The following C16orf74 variants were observed in gnomAD, a reference collection of about 807,000 sequenced individuals.
The protein encoded by C16orf74 is uncharacterized protein C16orf74.
C16orf74 carries 10 observed loss-of-function variants against 6.5 expected under a neutral mutation model. The ratio of observed to expected loss-of-function variants is 1.54; its 90% CI spans 0.95 to 2.61. The LOEUF (loss-of-function observed/expected upper bound fraction) is 2.61. Among genes scored for constraint, C16orf74 ranks in the 30% most tolerant of loss-of-function variants. The probability of loss-of-function intolerance (pLI) is 0.00; values close to 1 mark genes in which losing one functional copy is unlikely to be tolerated. For missense variants in C16orf74, 141 were observed against 105.9 expected (o/e 1.33, Z -1.45); for synonymous variants, 60 against 42.5 (o/e 1.41, Z -1.60).
chr16:85,716,705 G>T (rs1177549181), intron 2 of C16orf74, among the ~76,000 whole-genome samples: 5 of 151,250 alleles, frequency 3.3e-5, no homozygotes, highest in Non-Finnish European at 7.4e-5. Context: ...GAGGAGGAAG[G>T]GAGGGAGAGG....
intron 2 of C16orf74, among the ~76,000 whole-genome samples, chr16:85,731,691 A>ATT (rs11313311): frequency 6.9e-6 from 1 of 144,280 alleles, no homozygotes; most frequent in Non-Finnish European, 1.5e-5. Context: ...TTGTGATGTC[A>ATT]TTTTTTTTTT....
chr16:85,727,147 G>A (rs960216195), intron 2 of C16orf74, among the ~76,000 whole-genome samples: 2 of 152,258 alleles, frequency 1.3e-5, no homozygotes, highest in Non-Finnish European at 2.9e-5. Context: ...AACGTTTGTG[G>A]AGGGAACAAT....
intron 2 of C16orf74, among the ~76,000 whole-genome samples, chr16:85,722,464 AT>A (rs2054092428): frequency 6.6e-6 from 1 of 152,178 alleles, no homozygotes; most frequent in Non-Finnish European, 1.5e-5. Context: ...GCTGGGCTGG[AT>A]TTGCAGCTCC....
At chr16:85,712,505 G>C (rs1042594700) in intron 2 of C16orf74, among the ~76,000 whole-genome samples, 7 of 152,282 alleles carry the variant, frequency 4.6e-5, no homozygotes, top group African/African-American at 1.7e-4. Context: ...TTCACCCAAG[G>C]GGTGTTCCTC....
intron 2 of C16orf74, among the ~76,000 whole-genome samples, chr16:85,721,498 CA>C (rs1274932293): frequency 6.6e-6 from 1 of 152,146 alleles, no homozygotes; most frequent in Non-Finnish European, 1.5e-5. Context: ...CTCAGGTTAA[CA>C]AATAGTTTTT....
chr16:85,716,444 G>C (rs551066135), intron 2 of C16orf74, among the ~76,000 whole-genome samples: 55 of 143,242 alleles, frequency 3.8e-4, no homozygotes, highest in African/African-American at 1.4e-3. Flanking sequence ...AGAGGAGGAA[G>C]GGAAGGAAGA....
At chr16:85,738,981 TC>T (rs2054274278) in intron 1 of C16orf74, among the ~76,000 whole-genome samples, 2 of 132,618 alleles carry the variant, frequency 1.5e-5, no homozygotes, top group Non-Finnish European at 3.4e-5. Flanking sequence ...AACTTTGGAC[TC>T]TAGAGCCCAC....
chr16:85,724,092 A>T (rs2054109367), intron 2 of C16orf74, among the ~76,000 whole-genome samples: 1 of 152,004 alleles, frequency 6.6e-6, no homozygotes, highest in Non-Finnish European at 1.5e-5. Context: ...TTTTGTAGAA[A>T]TGGGGTCTCA....
chr16:85,736,102 A>T (rs2054241832), intron 1 of C16orf74, among the ~76,000 whole-genome samples: 1 of 152,120 alleles, frequency 6.6e-6, no homozygotes, highest in South Asian at 2.1e-4. Context: ...GAGGAAGATA[A>T]AGCAACAGTC....
chr16:85,750,667 G>A (rs940456579), intron 1 of C16orf74, among the ~76,000 whole-genome samples: 10 of 152,158 alleles, frequency 6.6e-5, no homozygotes, highest in African/African-American at 2.4e-4. Flanking sequence ...TCCGCGCGGG[G>A]TCACACCCCC....
At chr16:85,712,090 C>T (rs528472573) in intron 2 of C16orf74, among the ~76,000 whole-genome samples, 5 of 152,202 alleles carry the variant, frequency 3.3e-5, no homozygotes, top group African/African-American at 4.8e-5. Flanking sequence ...CACCATGTTA[C>T]GAGGATGCTC....
At chr16:85,730,712 A>G (rs534317668) in intron 2 of C16orf74, among the ~76,000 whole-genome samples, 30 of 150,490 alleles carry the variant, frequency 2.0e-4, no homozygotes, top group Admixed American at 8.6e-4. Context: ...AGACCAGCCA[A>G]CCAAGCCCCC....
At chr16:85,730,213 T>A (rs1431479241) in intron 2 of C16orf74, among the ~76,000 whole-genome samples, 1 of 152,116 alleles carries the variant, frequency 6.6e-6, no homozygotes, top group African/African-American at 2.4e-5. Flanking sequence ...CACACTCTGC[T>A]GAGTGGGTTC....
intron 2 of C16orf74, among the ~76,000 whole-genome samples, chr16:85,723,539 T>C (rs2054103594): frequency 6.6e-6 from 1 of 151,984 alleles, no homozygotes; most frequent in African/African-American, 2.4e-5. Context: ...TCATCTCCCA[T>C]GGGGTGAGTG....
intron 2 of C16orf74, among the ~76,000 whole-genome samples, chr16:85,723,199 G>A (rs1406674158): frequency 6.8e-6 from 1 of 147,682 alleles, no homozygotes; most frequent in Non-Finnish European, 1.5e-5. Flanking sequence ...GGTGGAGGCT[G>A]CAGTGAGCTG....
intron 1 of C16orf74, among the ~76,000 whole-genome samples, chr16:85,737,253 G>A (rs2054255033): frequency 6.6e-6 from 1 of 152,104 alleles, no homozygotes; most frequent in Non-Finnish European, 1.5e-5. Context: ...TTCCCAGAAT[G>A]GCCCATGGAA....
chr16:85,735,079 G>A (rs1257700556), intron 2 of C16orf74, 111 bp downstream of exon 2: 4 of 857,822 alleles, frequency 4.7e-6, no homozygotes, highest in African/African-American at 3.6e-5. Flanking sequence ...TTAAGGGATG[G>A]TGCCCTGCTC....
At chr16:85,737,864 C>A (rs2054261264) in intron 1 of C16orf74, among the ~76,000 whole-genome samples, 1 of 152,072 alleles carries the variant, frequency 6.6e-6, no homozygotes. Flanking sequence ...GCTTGTACAA[C>A]CCGCAGCCCT....
intron 2 of C16orf74, among the ~76,000 whole-genome samples, chr16:85,711,076 G>C (rs1012852771): frequency 6.6e-6 from 1 of 152,122 alleles, no homozygotes; most frequent in African/African-American, 2.4e-5. Flanking sequence ...CACTTTCGGA[G>C]GCCAAGGCGG....
Sources: allele counts gnomAD v4.1 joint callset (sites outside exome capture counted in the v4.1 genomes callset), GRCh38; gene constraint gnomAD v4.1.1; transcripts MANE v1.5; gene names NCBI Gene and HGNC (gene_info 2026-07-23, HGNC 2026-07-21).